The following ADPGK variants were observed in gnomAD, a reference collection of about 807,000 sequenced individuals.
ADPGK encodes the protein ADP-dependent glucokinase.
Under a neutral mutation model 42.4 loss-of-function variants are expected in ADPGK, and 26 were observed. The observed-to-expected ratio is 0.61, with a 90% CI of 0.45 to 0.85. ADPGK has a LOEUF of 0.85. Ranked by LOEUF, ADPGK falls within the 40% of genes least tolerant of loss-of-function variation. ADPGK has a pLI of 0.00. For synonymous variants in ADPGK, 267 were observed against 252.6 expected (o/e 1.06, Z -0.54); for missense variants, 571 against 627.0 (o/e 0.91, Z 0.95).
chr15:72,762,907 CTGGGAG>C (rs2066212566), intron 3 of ADPGK, among the ~76,000 whole-genome samples: 1 of 152,126 alleles, frequency 6.6e-6, no homozygotes, highest in Non-Finnish European at 1.5e-5. Flanking sequence ...TCACTTGAAC[CTGGGAG>C]GTGGAGAGCC....
intron 3 of ADPGK, among the ~76,000 whole-genome samples, chr15:72,761,999 G>A (rs1034787098): frequency 3.9e-5 from 6 of 152,042 alleles, no homozygotes. Context: ...AGCCTCCCAA[G>A]TAGCTGGGAT....
intron 6 of ADPGK, among the ~76,000 whole-genome samples, chr15:72,754,475 C>A (rs192998323): frequency 2.5e-3 from 384 of 152,282 alleles, no homozygotes; most frequent in South Asian, 9.7e-3. Flanking sequence ...TTATGGAGGG[C>A]AATCTGGCAA....
intron 1 of ADPGK, among the ~76,000 whole-genome samples, chr15:72,782,663 G>A (rs1173546472): frequency 1.3e-5 from 2 of 151,700 alleles, no homozygotes; most frequent in Non-Finnish European, 2.9e-5. Context: ...TACCCCTCCC[G>A]GCCCCAACAC....
At position 72,783,607 on chromosome 15, in the gene ADPGK, C is replaced by T. The variant is rs1378007614; in HGVS notation, c.85G>A (p.Gly29Ser). The T allele has an allele frequency of 2.6e-5, 39 of 1,516,206 alleles. No homozygotes were observed. Among genetic ancestry groups the T allele is most frequent in the Non-Finnish European group, 3.2e-5 (36 of 1,140,212 alleles). 93.9% of individuals were successfully genotyped at this position (1,516,206 alleles called of 1,614,324 possible). A position where few individuals can be genotyped will look rare whatever the true frequency, so the allele number is the denominator to read the frequency against. Residue 29 changes from glycine to serine, a missense_variant, in exon 1 of 7, where the codon GGC (glycine) becomes AGC (serine). Around this residue, in one of 2 missense-constraint regions of ADPGK, gnomAD observed 137 missense variants for 104.2 expected, o/e 1.31. Coordinates refer to ENST00000456471, the MANE Select transcript of ADPGK (RefSeq NM_001365225.1). The stretch of plus-strand genomic sequence containing the variant: ...CTCCAGAGAGAGCGCAGCGCCGAGC[C>T]TGGCAGCTCTGGCTCCAGCAGGAAG... ...CVFLLEPELP[G>S]SALRSLWSSL...
At chr15:72,766,964 TG>T in intron 3 of ADPGK, among the ~76,000 whole-genome samples, 1 of 152,286 alleles carries the variant, frequency 6.6e-6, no homozygotes, top group African/African-American at 2.4e-5. Flanking sequence ...TAGATGTAAA[TG>T]GTCTAAACAC....
At chr15:72,759,685 T>C (rs1182726425) in intron 4 of ADPGK, among the ~76,000 whole-genome samples, 1 of 150,948 alleles carries the variant, frequency 6.6e-6, no homozygotes, top group Non-Finnish European at 1.5e-5. Flanking sequence ...TAATGTGTAT[T>C]AACAATGTGT....
Position 72,775,091 on chromosome 15 carries a change from A to T in ADPGK, c.240T>A (p.Asn80Lys). The change falls in exon 2 of 7, where the codon AAT becomes AAA. Residue 80 changes from asparagine (N) to lysine (K), a missense_variant. Physicochemically the swap from Asn to Lys is moderately conservative, Grantham distance 94. Transcript: ENST00000456471. Reference protein sequence around the residue: ...RRWRRVAVGVNACVDVVLSGV... With the variant: ...RRWRRVAVGVKACVDVVLSGV... ...CTGAGAGCACCACATCAACACATGC[A>T]TTGACTCTAGAAGGAGGAAAAAAAC... The T allele has an allele frequency of 6.2e-7, 1 of 1,613,990 alleles. No individual in the cohort carries two copies. Among genetic ancestry groups the T allele is most frequent in the African/African-American group, 1.3e-5 (1 of 75,052 alleles).
intron 5 of ADPGK, 123 bp from the exon 6 acceptor site, chr15:72,755,777 G>A (rs1299566737): frequency 2.7e-6 from 2 of 734,552 alleles, no homozygotes; most frequent in South Asian, 1.7e-5. Context: ...ATGCTCACGG[G>A]AGCTACAAGC....
At chr15:72,755,702 C>T (rs776122673) in intron 5 of ADPGK, 48 bp from the exon 6 acceptor site, 4 of 1,420,872 alleles carry the variant, frequency 2.8e-6, no homozygotes, top group Non-Finnish European at 4.0e-6. Context: ...AGAAGGAAGT[C>T]AAGAAAGAGG....
At chr15:72,768,925 G>A (rs1595798472) in intron 3 of ADPGK, among the ~76,000 whole-genome samples, 1 of 146,958 alleles carries the variant, frequency 6.8e-6, no homozygotes, top group South Asian at 2.2e-4. Context: ...AGTGAGCCGA[G>A]ATCATGCCAC....
rs550362727 is a variant in ADPGK, at chr15:72,783,505, C to A, written c.187G>T (p.Ala63Ser). The A allele has an allele frequency of 2.4e-5, 35 of 1,465,168 alleles. No individual in the cohort carries two copies. Among genetic ancestry groups the A allele is most frequent in the Non-Finnish European group, 3.1e-5 (35 of 1,115,854 alleles). The allele number at this position is 1,465,168 out of a possible 1,614,324, so 90.8% of individuals were successfully genotyped here. Reference protein sequence around the residue: ...PEGRLAAAWDALIVRPVRRWR... With the variant: ...PEGRLAAAWDSLIVRPVRRWR... Reference sequence around the variant, plus strand: ...CGCCGGACTGGCCGCACGATAAGCGCGTCCCAGGCTGCCGCCAACCGGCCC... The same window carrying A: ...CGCCGGACTGGCCGCACGATAAGCGAGTCCCAGGCTGCCGCCAACCGGCCC... The change falls in exon 1 of 7, where the codon GCG becomes TCG. Residue 63 changes from alanine to serine, a missense_variant. By Grantham distance (99) the Ala-to-Ser change is moderately conservative. Around this residue, in one of 2 missense-constraint regions of ADPGK, gnomAD observed 137 missense variants for 104.2 expected, o/e 1.31. Transcript: ENST00000456471.
intron 1 of ADPGK, among the ~76,000 whole-genome samples, chr15:72,778,435 G>A (rs900268446): frequency 1.3e-5 from 2 of 152,126 alleles, no homozygotes; most frequent in African/African-American, 4.8e-5. Context: ...GAAATAAAGG[G>A]AGACACAGTT....
At chr15:72,771,879 T>A in intron 2 of ADPGK, 34 bp from the exon 3 acceptor site, 1 of 1,514,476 alleles carries the variant, frequency 6.6e-7, no homozygotes, top group Non-Finnish European at 9.0e-7. Flanking sequence ...AGACAGTATT[T>A]TAATACAACT....
chr15:72,776,385 C>T (rs982596692), intron 1 of ADPGK, among the ~76,000 whole-genome samples: 4 of 152,138 alleles, frequency 2.6e-5, no homozygotes, highest in African/African-American at 7.2e-5. Flanking sequence ...AGCTCCCAGC[C>T]GGCAAACTGA....
At chr15:72,755,943 G>C (rs2066107596) in intron 5 of ADPGK, 1 of 649,254 alleles carries the variant, frequency 1.5e-6, no homozygotes, top group Admixed American at 2.1e-5. Context: ...GATGTGAAGT[G>C]AGATGATACA....
At chr15:72,760,760 A>G (rs1011106468) in intron 3 of ADPGK, among the ~76,000 whole-genome samples, 19 of 152,178 alleles carry the variant, frequency 1.2e-4, no homozygotes, top group African/African-American at 3.9e-4. Context: ...AGAGGCTGAC[A>G]AAAGAACTGT....
chr15:72,753,480 G>A (rs2066073527), intron 6 of ADPGK, among the ~76,000 whole-genome samples: 2 of 152,244 alleles, frequency 1.3e-5, no homozygotes, highest in African/African-American at 4.8e-5. Context: ...TTTTCTGTCT[G>A]ATGGGGAACC....
rs373749403 is a variant in ADPGK at position 72,756,271 on chromosome 15, G to A, written c.820C>T (p.Gln274Ter). ...ATTACCTCCAAGAGTCTCTTCCTCT[G>A]GAGCTCCTTGCTTTGTCCCTCCATC... Reference protein sequence around the residue: ...HMMEGQSKELQRKRLLEVVTS... With the variant: ...HMMEGQSKEL The change falls in exon 5 of 7, where the codon CAG becomes TAG. Residue 274 changes from glutamine (Q) to a stop codon, truncating the protein, a stop_gained. Transcript: ENST00000456471. LOFTEE classifies it high-confidence loss of function. 5.6e-6 allele frequency: 9 copies of A among 1,614,086 alleles called. No homozygotes were observed. Among genetic ancestry groups the A allele is most frequent in the African/African-American group, 4.0e-5 (3 of 74,930 alleles).
intron 1 of ADPGK, 51 bp downstream of exon 1, chr15:72,783,408 C>G: frequency 7.5e-7 from 1 of 1,325,884 alleles, no homozygotes; most frequent in Non-Finnish European, 9.6e-7. Flanking sequence ...TCCGCCCGAC[C>G]TCCAAGGCCG....
Sources: allele counts gnomAD v4.1 joint callset (sites outside exome capture counted in the v4.1 genomes callset), GRCh38; gene constraint gnomAD v4.1.1; regional missense constraint gnomAD v4.1.1; transcripts MANE v1.5; gene names NCBI Gene and HGNC (gene_info 2026-07-23, HGNC 2026-07-21).